TBC1D7: variants seen among roughly 807,000 people sequenced by gnomAD.
The protein encoded by TBC1D7 is TBC1 domain family member 7, also known as TBC domain family 7.
TBC1D7 carries 33 observed loss-of-function variants against 35.3 expected under a neutral mutation model. That is an observed-to-expected ratio of 0.93 (90% confidence interval 0.71 to 1.25). The LOEUF is 1.25. Among genes scored for constraint, TBC1D7 ranks in the 50% most tolerant of loss-of-function variants. TBC1D7 has a pLI of 0.00. For missense variants in TBC1D7, 362 were observed against 365.3 expected (o/e 0.99, Z 0.07); for synonymous variants, 135 against 129.5 (o/e 1.04, Z -0.29).
intron 6 of TBC1D7, 102 bp from the exon 7 acceptor site, chr6:13,306,629 T>C (rs1457636686): frequency 4.1e-6 from 4 of 979,614 alleles, no homozygotes; most frequent in East Asian, 5.5e-5. Context: ...TCCAATTTTA[T>C]GTAAAAGCTT....
chr6:13,321,716 A>G (rs2496133), intron 3 of TBC1D7, among the ~76,000 whole-genome samples: 71,981 of 152,036 alleles, frequency 0.47, 18,895 homozygotes, highest in African/African-American at 0.69. Context: ...CACTAGACAG[A>G]CCAGCCATCC....
At chr6:13,320,737 T>C (rs764139977) in intron 4 of TBC1D7, 171 bp downstream of exon 4, 1 of 736,690 alleles carries the variant, frequency 1.4e-6, no homozygotes, top group Non-Finnish European at 2.4e-6. Context: ...AGTAAGAAGG[T>C]TGGGTCAGAA....
intron 1 of TBC1D7, chr6:13,327,693 A>C (rs1784490556): frequency 6.6e-6 from 1 of 152,264 alleles, no homozygotes. Context: ...GAACTCAAAA[A>C]GTTCAGTGGT....
chr6:13,320,999 A>C lies in TBC1D7; in HGVS notation c.290T>G (p.Phe97Cys), dbSNP rs765550974. Residue 97 changes from phenylalanine to cysteine, a missense_variant, in exon 4 of 8, where the codon TTT becomes TGT. Transcript: ENST00000379300. ...AGCCTGAGGTGTGGCATCACTAACA[A>C]AGCGAACGACTTTCAGGGCATGAAG... ...DVLHALKVVR[F>C]VSDATPQAEV... The C allele has an allele frequency of 1.1e-5, 17 of 1,614,210 alleles. No homozygotes were observed. Among genetic ancestry groups the C allele is most frequent in the Middle Eastern group, 1.6e-4 (1 of 6,062 alleles).
intron 4 of TBC1D7, chr6:13,320,321 G>T (rs1783939963): frequency 6.1e-6 from 1 of 165,164 alleles, no homozygotes; most frequent in South Asian, 1.6e-4. Context: ...CGTTAATATT[G>T]TATCAATGTT....
At chr6:13,313,837 A>G (rs905799005) in intron 5 of TBC1D7, among the ~76,000 whole-genome samples, 1 of 152,228 alleles carries the variant, frequency 6.6e-6, no homozygotes, top group African/African-American at 2.4e-5. Context: ...AGGTGGTACT[A>G]ACAGGAAGTC....
At position 13,320,945 on chromosome 6, in the gene TBC1D7, T is replaced by A; in HGVS notation, c.344A>T (p.Glu115Val). 1 of 1,614,122 alleles carries A rather than the reference T, an allele frequency of 6.2e-7. No homozygotes were observed. The change falls in exon 4 of 8, where the codon GAG (glutamate) becomes GTG (valine). Residue 115 changes from glutamate to valine, a missense_variant. Transcript: ENST00000379300. Reference protein sequence around the residue: ...AEVYLRMYQLESGKLPRSPSF... With the variant: ...AEVYLRMYQLVSGKLPRSPSF... ...GGGACTTCGAGGTAACTTCCCAGAC[T>A]CCAGCTGATACATGCGGAGATAGAC...
At chr6:13,311,984 C>A (rs1783249862) in intron 5 of TBC1D7, among the ~76,000 whole-genome samples, 1 of 151,678 alleles carries the variant, frequency 6.6e-6, no homozygotes, top group South Asian at 2.1e-4. Context: ...TATACACACA[C>A]ACATATATGG....
chr6:13,313,334 A>G (rs1480866304), intron 5 of TBC1D7, among the ~76,000 whole-genome samples: 1 of 152,246 alleles, frequency 6.6e-6, no homozygotes, highest in Non-Finnish European at 1.5e-5. Context: ...ATGCCATTTC[A>G]CTATCAGATG....
chr6:13,317,662 G>A lies in TBC1D7; in HGVS notation c.382-954C>T, dbSNP rs1783730675. 2.0e-5 allele frequency among the ~76,000 whole-genome samples: 3 copies of A among 152,202 alleles called. 1 individual carries two copies. Among genetic ancestry groups the A allele is most frequent in the South Asian group, 4.1e-4 (2 of 4,838 alleles). On this transcript the variant is annotated intron_variant, in intron 4 of 7. Coordinates refer to ENST00000379300, the MANE Select transcript of TBC1D7 (RefSeq NM_016495.6). Reference sequence around the variant, plus strand: ...GAATGGAAAATAAGTAGGAAGAAAAGGGAAAGGAAAATCTCCTTTCTTGGA... The same window carrying A: ...GAATGGAAAATAAGTAGGAAGAAAAAGGAAAGGAAAATCTCCTTTCTTGGA...
intron 1 of TBC1D7, 88 bp downstream of exon 1, chr6:13,328,208 C>T (rs549106586): frequency 2.0e-4 from 30 of 152,438 alleles, no homozygotes; most frequent in Admixed American, 4.6e-4. Context: ...ATAATATCTC[C>T]TGCCCATGCG....
At chr6:13,326,537 A>G (rs892530439) in intron 2 of TBC1D7, among the ~76,000 whole-genome samples, 4 of 152,172 alleles carry the variant, frequency 2.6e-5, no homozygotes, top group Non-Finnish European at 4.4e-5. Context: ...TAGATAATAC[A>G]TGAAAACATA....
chr6:13,321,063 T>C lies in TBC1D7; in HGVS notation c.226A>G (p.Lys76Glu). Residue 76 changes from lysine (K) to glutamate (E), a missense_variant, in exon 4 of 8, where the codon AAG becomes GAG. Coordinates refer to ENST00000379300, the MANE Select transcript of TBC1D7 (RefSeq NM_016495.6). The stretch of plus-strand genomic sequence containing the variant: ...TGCTCCTTACGATACATCATCACCT[T>C]GGCATGGGACTCGTGGTGTGGAGGC... ...ILPPHHESHA[K>E]VMMYRKEQYL... is the part of the protein sequence containing the mutation. The C allele has an allele frequency of 2.5e-6, 4 of 1,613,864 alleles. No homozygotes were observed. Among genetic ancestry groups the C allele is most frequent in the Non-Finnish European group, 3.4e-6 (4 of 1,179,830 alleles).
chr6:13,304,957 T>A lies in TBC1D7; in HGVS notation c.*144A>T. The A allele has an allele frequency of 1.6e-6, 1 of 611,386 alleles. No individual in the cohort carries two copies. The highest frequency in any genetic ancestry group is 2.8e-6 in the Non-Finnish European group (1 of 361,438). The allele number at this position is 611,386 out of a possible 1,614,324, so 37.9% of individuals were successfully genotyped here. ...AACACAGCAACACCAGGCATTTCAA[T>A]TAAATAATTTTATTGGGGGAAAAAA... On this transcript the variant is annotated 3_prime_UTR_variant, in exon 8 of 8. Transcript: ENST00000379300.
chr6:13,325,053 A>G (rs762343591), intron 3 of TBC1D7, 41 bp downstream of exon 3: 7 of 1,454,786 alleles, frequency 4.8e-6, no homozygotes, highest in South Asian at 3.6e-5. Context: ...CCTTCATTCA[A>G]TATTTTTTAA....
At chr6:13,328,009 G>A (rs1362229434) in intron 1 of TBC1D7, 1 of 152,198 alleles carries the variant, frequency 6.6e-6, no homozygotes, top group Non-Finnish European at 1.5e-5. Flanking sequence ...AGGGCTCTGA[G>A]CTTTCGGGAG....
intron 5 of TBC1D7, among the ~76,000 whole-genome samples, chr6:13,313,512 T>G (rs1285095115): frequency 6.6e-6 from 1 of 151,992 alleles, no homozygotes; most frequent in Non-Finnish European, 1.5e-5. Context: ...TTTAAATATG[T>G]CTCCCCTCTG....
At chr6:13,323,400 T>C (rs1784185034) in intron 3 of TBC1D7, among the ~76,000 whole-genome samples, 1 of 151,090 alleles carries the variant, frequency 6.6e-6, no homozygotes, top group Non-Finnish European at 1.5e-5. Context: ...AGAGTAGAAG[T>C]GAGGAATAAG....
chr6:13,318,501 T>C (rs1338937294), intron 4 of TBC1D7, among the ~76,000 whole-genome samples: 2 of 152,204 alleles, frequency 1.3e-5, no homozygotes, highest in Non-Finnish European at 2.9e-5. Context: ...ACTTTGCCAA[T>C]AAGTGAAATT....
Sources: allele counts gnomAD v4.1 joint callset (sites outside exome capture counted in the v4.1 genomes callset), GRCh38; gene constraint gnomAD v4.1.1; transcripts MANE v1.5; gene names NCBI Gene and HGNC (gene_info 2026-07-23, HGNC 2026-07-21).